LILRB4: variants seen among roughly 807,000 people sequenced by gnomAD.
The protein encoded by LILRB4 is leukocyte immunoglobulin-like receptor subfamily B member 4.
LILRB4 carries 49 observed loss-of-function variants against 55.2 expected under a neutral mutation model. The observed-to-expected ratio is 0.89, with a 90% CI of 0.71 to 1.13. The LOEUF (loss-of-function observed/expected upper bound fraction) is 1.13, where lower values mean the gene tolerates loss of function less well. LILRB4 is among the 50% of genes most tolerant of loss of function. The probability of loss-of-function intolerance (pLI) is 0.00; values close to 1 mark genes in which losing one functional copy is unlikely to be tolerated. For synonymous variants in LILRB4, 229 were observed against 213.8 expected (o/e 1.07, Z -0.62); for missense variants, 590 against 555.2 (o/e 1.06, Z -0.63).
chr19:54,663,497 C>G, intron 1 of LILRB4, 35 bp from the exon 2 acceptor site: 2 of 1,611,122 alleles, frequency 1.2e-6, no homozygotes, highest in Non-Finnish European at 8.5e-7. Flanking sequence ...GCTCAGGCTT[C>G]CGGGGCAAAT....
intron 4 of LILRB4, 46 bp downstream of exon 4, chr19:54,664,531 A>G (rs745767846): frequency 5.2e-6 from 8 of 1,540,978 alleles, no homozygotes; most frequent in South Asian, 1.3e-5. Flanking sequence ...GGCTCCGTTC[A>G]TGCCCTGCTG....
chr19:54,663,984 C>T (rs780290908), exon 3 of LILRB4: 8 of 1,613,944 alleles, frequency 5.0e-6, no homozygotes, highest in East Asian at 2.2e-5. Flanking sequence ...CTGTTACTAT[C>T]GCAGCCCTGT....
intron 10 of LILRB4, chr19:54,667,278 G>T: frequency 1.7e-6 from 1 of 579,566 alleles, no homozygotes; most frequent in Non-Finnish European, 3.3e-6. Context: ...CAGTCTGAAT[G>T]GAAAGGGAGG....
In LILRB4 at chr19:54,666,991, A is replaced by C. The variant is rs1017196635; in HGVS notation, c.1041+242A>C. 15,635 of 644,556 alleles carry C rather than the reference A, an allele frequency of 0.024. 163 individuals are homozygous for C. The highest frequency in any genetic ancestry group is 0.052 in the African/African-American group (2,132 of 40,940). 39.9% of individuals were successfully genotyped at this position (644,556 alleles called of 1,614,324 possible). ...CTGTTTGGCCATCTGGTTGTTAGAG[A>C]GCTCCCCAGGCCTCAGGAGGATGAC... On this transcript the variant is annotated intron_variant, in intron 10 of 11. Coordinates refer to ENST00000430952, the Ensembl canonical transcript of LILRB4. This position sits in a 1 kb window ranked among gnomAD's most constrained non-coding sequence, Gnocchi z 4.8.
At chr19:54,667,139 C>T (rs1284958372) in intron 10 of LILRB4, 3 of 578,458 alleles carry the variant, frequency 5.2e-6, no homozygotes, top group African/African-American at 3.7e-5. Flanking sequence ...GGGAGCAAAG[C>T]CGCCCCCGCC....
exon 1 of LILRB4, chr19:54,663,039 C>A (rs759261488): frequency 6.2e-7 from 1 of 1,614,010 alleles, no homozygotes; most frequent in South Asian, 1.1e-5. Context: ...ACGCCATGAT[C>A]CCCACCTTCA....
At position 54,665,998 on chromosome 19, in the gene LILRB4, T is replaced by A; in HGVS notation, c.874+67T>A. ...GGCTCAGGGCACCAGCCAAAGGGAC[T>A]CCAGATAGGAGAGGTCATCTTAGAA... is the stretch of plus-strand genomic sequence containing the variant. On this transcript the variant is annotated intron_variant, in intron 7 of 11. Transcript: ENST00000430952. The surrounding 1 kb of genome is among the most constrained non-coding windows in gnomAD (Gnocchi z 5.5). The A allele has an allele frequency of 6.3e-7, 1 of 1,594,992 alleles. No individual in the cohort carries two copies. The highest frequency in any genetic ancestry group is 8.6e-7 in the Non-Finnish European group (1 of 1,166,144).
intron 10 of LILRB4, chr19:54,667,393 G>C (rs11574584): frequency 0.048 from 35,081 of 734,444 alleles, 748 homozygotes; most frequent in Non-Finnish European, 0.058. Context: ...CAAAGGCCCC[G>C]AGGCAGCAGC....
Position 54,666,574 on chromosome 19 carries a change from C to A in LILRB4, c.989-123C>A. ...GGTCTGAACCCACATTGTGGGACCT[C>A]GGGGACATCACAGCCCCTCCCTGCG... On this transcript the variant is annotated intron_variant, in intron 9 of 11. Transcript: ENST00000430952. This position sits in a 1 kb window ranked among gnomAD's most constrained non-coding sequence, Gnocchi z 4.8. The A allele has an allele frequency of 7.0e-7, 1 of 1,423,936 alleles. No homozygotes were observed. The highest frequency in any genetic ancestry group is 9.8e-7 in the Non-Finnish European group (1 of 1,021,444). 88.2% of individuals were successfully genotyped at this position (1,423,936 alleles called of 1,614,324 possible).
exon 3 of LILRB4, chr19:54,663,847 C>A: frequency 6.2e-7 from 1 of 1,614,132 alleles, no homozygotes; most frequent in Non-Finnish European, 8.5e-7. Flanking sequence ...ACCCTGGAGG[C>A]TCGGGAGTAC....
chr19:54,663,798 A>T (rs1177640762), exon 3 of LILRB4: 1 of 1,614,042 alleles, frequency 6.2e-7, no homozygotes, highest in South Asian at 1.1e-5. Context: ...AGGCTCTGTG[A>T]TCAGCTGGGG....
rs371411880 is a variant in LILRB4, at chr19:54,666,348, C to T, written c.950+33C>T. 9 of 1,610,522 alleles carry T rather than the reference C, an allele frequency of 5.6e-6. No homozygotes were observed. The highest frequency in any genetic ancestry group is 7.6e-6 in the Non-Finnish European group (9 of 1,178,090). ...TGCCCAAAGACCTCAGACTCCCACC[C>T]ATCCCAACAGCCACCTCACTGTCCC... On this transcript the variant is annotated intron_variant, in intron 8 of 11. Transcript: ENST00000430952. This position sits in a 1 kb window ranked among gnomAD's most constrained non-coding sequence, Gnocchi z 4.8.
chr19:54,664,055 G>A lies in LILRB4; in HGVS notation c.355+17G>A. 6.2e-7 allele frequency: 1 copy of A among 1,608,970 alleles called. No homozygotes were observed. Among genetic ancestry groups the A allele is most frequent in the Non-Finnish European group, 8.5e-7 (1 of 1,177,946 alleles). ...TGATGACAGGTGAGAGGACACTCAG[G>A]GGTCCCAGCCCCAGGCTCTGCCCTC... is the stretch of plus-strand genomic sequence containing the variant. On this transcript the variant is annotated intron_variant, in intron 3 of 11. Coordinates refer to ENST00000430952, the Ensembl canonical transcript of LILRB4.
chr19:54,666,144 A>C lies in LILRB4; in HGVS notation c.875-96A>C. On this transcript the variant is annotated intron_variant, in intron 7 of 11. Transcript: ENST00000430952. This position sits in a 1 kb window ranked among gnomAD's most constrained non-coding sequence, Gnocchi z 4.8. Reference sequence around the variant, plus strand: ...TAGAAAGTATTTAAAACATCCTTGCAAGTGTATTTTCAGGTTTCCTTTCCT... The same window carrying C: ...TAGAAAGTATTTAAAACATCCTTGCCAGTGTATTTTCAGGTTTCCTTTCCT... The C allele has an allele frequency of 7.6e-7, 1 of 1,319,068 alleles. No homozygotes were observed. The highest frequency in any genetic ancestry group is 1.0e-6 in the Non-Finnish European group (1 of 953,972). The allele number at this position is 1,319,068 out of a possible 1,614,324, so 81.7% of individuals were successfully genotyped here.
Position 54,666,236 on chromosome 19 carries a change from C to G in LILRB4, c.875-4C>G, listed in dbSNP as rs200023868. 2 of 1,589,058 alleles carry G rather than the reference C, an allele frequency of 1.3e-6. No homozygotes were observed. Among genetic ancestry groups the G allele is most frequent in the Non-Finnish European group, 1.7e-6 (2 of 1,168,652 alleles). The stretch of plus-strand genomic sequence containing the variant: ...GAGCTGAGACTCTGTCCATCTTCCC[C>G]CAGCCCAGAGACAGGCTGATTTCCA... On this transcript the variant is annotated splice_polypyrimidine_tract_variant and splice_region_variant and intron_variant, in intron 7 of 11. Transcript: ENST00000430952. The surrounding 1 kb of genome is among the most constrained non-coding windows in gnomAD (Gnocchi z 4.8).
chr19:54,665,223 G>A lies in LILRB4; in HGVS notation c.757+43G>A. On this transcript the variant is annotated intron_variant, in intron 6 of 11. Coordinates refer to ENST00000430952, the Ensembl canonical transcript of LILRB4. The surrounding 1 kb of genome is among the most constrained non-coding windows in gnomAD (Gnocchi z 5.5). ...AGTGGGAGGTGGGCAGGGTCTAGGG[G>A]AGCCAAGGGTGGGTTCTGTCCTAGG... 6.4e-7 allele frequency: 1 copy of A among 1,555,646 alleles called. No individual in the cohort carries two copies. The highest frequency in any genetic ancestry group is 8.7e-7 in the Non-Finnish European group (1 of 1,146,622).
Position 54,666,903 on chromosome 19 carries a change from T to C in LILRB4, c.1041+154T>C. 3 of 827,562 alleles carry C rather than the reference T, an allele frequency of 3.6e-6. No individual in the cohort carries two copies. Among genetic ancestry groups the C allele is most frequent in the Admixed American group, 1.8e-5 (1 of 56,738 alleles). 51.3% of individuals were successfully genotyped at this position (827,562 alleles called of 1,614,324 possible). On this transcript the variant is annotated intron_variant, in intron 10 of 11. Transcript: ENST00000430952. The surrounding 1 kb of genome is among the most constrained non-coding windows in gnomAD (Gnocchi z 4.8). ...TGCCTCCTGCCTGCTGGGACCTCACTCTCTCCTGCTGTCCTGGGACCTCAT... is the reference window on the plus strand; with the variant it reads ...TGCCTCCTGCCTGCTGGGACCTCACCCTCTCCTGCTGTCCTGGGACCTCAT...
chr19:54,666,062 G>A lies in LILRB4; in HGVS notation c.874+131G>A. ...AATTCCCAGTGAGAAAATCTAGAAAGAAGAAAATGAATGAGGGAGTAATGG... is the reference window on the plus strand; with the variant it reads ...AATTCCCAGTGAGAAAATCTAGAAAAAAGAAAATGAATGAGGGAGTAATGG... On this transcript the variant is annotated intron_variant, in intron 7 of 11. Coordinates refer to ENST00000430952, the Ensembl canonical transcript of LILRB4. The surrounding 1 kb of genome is among the most constrained non-coding windows in gnomAD (Gnocchi z 4.8). 7.4e-7 allele frequency: 1 copy of A among 1,347,666 alleles called. No individual in the cohort carries two copies. Among genetic ancestry groups the A allele is most frequent in the Non-Finnish European group, 1.0e-6 (1 of 974,968 alleles). 83.5% of individuals were successfully genotyped at this position (1,347,666 alleles called of 1,614,324 possible). A position where few individuals can be genotyped will look rare whatever the true frequency, so the allele number is the denominator to read the frequency against.
rs761984748 is a variant in LILRB4 at position 54,666,585 on chromosome 19, C to T, written c.989-112C>T. 6 of 1,422,504 alleles carry T rather than the reference C, an allele frequency of 4.2e-6. No individual in the cohort carries two copies. Among genetic ancestry groups the T allele is most frequent in the South Asian group, 1.2e-5 (1 of 80,546 alleles). The allele number at this position is 1,422,504 out of a possible 1,614,324, so 88.1% of individuals were successfully genotyped here. A position where few individuals can be genotyped will look rare whatever the true frequency, so the allele number is the denominator to read the frequency against. Reference sequence around the variant, plus strand: ...ACATTGTGGGACCTCGGGGACATCACAGCCCCTCCCTGCGTTGCAGTGGCA... The same window carrying T: ...ACATTGTGGGACCTCGGGGACATCATAGCCCCTCCCTGCGTTGCAGTGGCA... On this transcript the variant is annotated intron_variant, in intron 9 of 11. Transcript: ENST00000430952. The surrounding 1 kb of genome is among the most constrained non-coding windows in gnomAD (Gnocchi z 4.8).
Sources: gnomAD v4.1 joint callset for allele counts on GRCh38, gnomAD v4.1.1 for gene constraint, Gnocchi (gnomAD v3.1) non-coding constraint, MANE v1.5 for transcripts, NCBI Gene and HGNC (gene_info 2026-07-23, HGNC 2026-07-21) for gene names.